The following TRPV1 variants were observed in gnomAD, a reference collection of about 807,000 sequenced individuals.
TRPV1 encodes OTRPC1.
In TRPV1, 82 loss-of-function variants were observed where a neutral mutation model predicts 82.3. That is an observed-to-expected ratio of 1.00 (90% CI 0.83 to 1.20). TRPV1 has a LOEUF of 1.20. Ranked by LOEUF, TRPV1 falls within the 50% of genes most tolerant of loss-of-function variation. The probability of loss-of-function intolerance (pLI) is 0.00; values close to 1 mark genes in which losing one functional copy is unlikely to be tolerated. For missense variants in TRPV1, 1,067 were observed against 1,096.8 expected, an observed-to-expected ratio of 0.97 and a Z score of 0.38; for synonymous variants, 515 against 467.7, an observed-to-expected ratio of 1.10 and a Z score of -1.30.
At chr17:3,571,668 A>G in intron 15 of TRPV1, 29 bp from the exon 16 acceptor site, 1 of 1,556,352 alleles carries the variant, frequency 6.4e-7, no homozygotes, top group Non-Finnish European at 8.8e-7. Flanking sequence ...GGAGAGCCTG[A>G]GAGCTGTGCC....
At position 3,592,282 on chromosome 17, in the gene TRPV1, G is replaced by A. The variant is rs1458441004; in HGVS notation, c.69C>T (p.Asp23=). ...TGGAGTTAGGGTCTCCATCCAGGGG[G>A]TCTGGGCAGGTGTCCTTTTGGAGTG... is the stretch of plus-strand genomic sequence containing the variant. The part of the protein sequence containing the change: ...ADPLQKDTCP[D]PLDGDPNSRP... The change falls in exon 3 of 17, where the codon GAC becomes GAT. Residue 23 remains aspartate, a synonymous_variant. Coordinates refer to ENST00000572705, the MANE Select transcript of TRPV1 (RefSeq NM_080704.4). 4.4e-6 allele frequency: 7 copies of A among 1,604,354 alleles called. No homozygotes were observed. The highest frequency in any genetic ancestry group is 4.3e-6 in the Non-Finnish European group (5 of 1,175,422).
rs200442799 is a variant in TRPV1, at chr17:3,592,149, C to G, written c.202G>C (p.Gly68Arg). 9 of 1,613,744 alleles carry G rather than the reference C, an allele frequency of 5.6e-6. No individual in the cohort carries two copies. Among genetic ancestry groups the G allele is most frequent in the Non-Finnish European group, 7.6e-6 (9 of 1,179,864 alleles). The change falls in exon 3 of 17, where the codon GGT (glycine) becomes CGT (arginine). Residue 68 changes from glycine to arginine, a missense_variant. Coordinates refer to ENST00000572705, the MANE Select transcript of TRPV1 (RefSeq NM_080704.4). ...AFPVDCPHEE[G>R]ELDSCPTITV... ...ATGGTCGGGCAGGAGTCCAGCTCAC[C>G]TTCCTCGTGAGGGCAATCCACCGGG...
chr17:3,567,018 G>A lies in TRPV1; in HGVS notation c.2348-31C>T, dbSNP rs187868729. On this transcript the variant is annotated intron_variant, in intron 16 of 16. Transcript: ENST00000572705. The stretch of plus-strand genomic sequence containing the variant: ...GGGTAACACTATTACTACCTTGGAT[G>A]CAACAAAACAAACATTCACTTCTTG... 1.6e-5 allele frequency: 26 copies of A among 1,606,920 alleles called. 1 individual carries two copies. In the Admixed American group the frequency reaches 3.5e-4, roughly 22 times the overall value.
intron 3 of TRPV1, among the ~76,000 whole-genome samples, chr17:3,591,682 G>A (rs1241348001): frequency 6.6e-6 from 1 of 152,174 alleles, no homozygotes; most frequent in Non-Finnish European, 1.5e-5. Flanking sequence ...AGGCAGGGGT[G>A]TAGACAGCCC....
At chr17:3,583,665 G>A (rs1257975470) in intron 9 of TRPV1, among the ~76,000 whole-genome samples, 3 of 152,218 alleles carry the variant, frequency 2.0e-5, no homozygotes, top group African/African-American at 2.4e-5. Context: ...ATGCTGTGCC[G>A]CCTCCCAAGC....
chr17:3,592,374 A>T lies in TRPV1; in HGVS notation c.-24T>A. On this transcript the variant is annotated 5_prime_UTR_variant, in exon 3 of 17. Transcript: ENST00000572705. ...ATCCTTGCTGGATCCTCTGTGGCCC[A>T]GTGTGCAACCTGCAGCAGCCACCAC... is the stretch of plus-strand genomic sequence containing the variant. 1 of 1,572,566 alleles carries T rather than the reference A, an allele frequency of 6.4e-7. No homozygotes were observed.
intron 16 of TRPV1, among the ~76,000 whole-genome samples, chr17:3,568,184 T>C (rs927780612): frequency 2.0e-5 from 3 of 151,384 alleles, no homozygotes; most frequent in African/African-American, 2.4e-5. Context: ...TAGCCGGGCG[T>C]AGTGGCGGGC....
chr17:3,573,538 A>ACCCCCCCCCCCCCCCCCC, intron 14 of TRPV1, 95 bp downstream of exon 14: 1 of 248,458 alleles, frequency 4.0e-6, no homozygotes, highest in Non-Finnish European at 7.9e-6. Flanking sequence ...CACCGCCCCC[A>ACCCCCCCCCCCCCCCCCC]CCACCCACCC....
chr17:3,588,826 A>C (rs520671), intron 7 of TRPV1: 196,512 of 1,269,794 alleles, frequency 0.15, 18,104 homozygotes, highest in East Asian at 0.35. Flanking sequence ...AAAAAAAAAA[A>C]AAAACAAAAC....
In TRPV1 at chr17:3,566,660, C is replaced by T; in HGVS notation, c.*155G>A. 1.1e-6 allele frequency: 1 copy of T among 879,810 alleles called. No individual in the cohort carries two copies. Among genetic ancestry groups the T allele is most frequent in the Non-Finnish European group, 1.7e-6 (1 of 596,620 alleles). 54.5% of individuals were successfully genotyped at this position (879,810 alleles called of 1,614,324 possible). ...ATCACTCCCCATGCTTCCAAGAACG[C>T]TTCCCACAGCTTGTCCAGCACAGAT... On this transcript the variant is annotated 3_prime_UTR_variant, in exon 17 of 17. Transcript: ENST00000572705.
intron 2 of TRPV1, among the ~76,000 whole-genome samples, chr17:3,599,277 AATATAT>A (rs1200484752): frequency 7.0e-6 from 1 of 142,220 alleles, no homozygotes; most frequent in Non-Finnish European, 1.5e-5. Context: ...GTTGTGGCAA[AATATAT>A]ATAACAAAAT....
At chr17:3,590,517 A>G in intron 5 of TRPV1, 125 bp from the exon 6 acceptor site, 1 of 1,419,888 alleles carries the variant, frequency 7.0e-7, no homozygotes. Flanking sequence ...AAGTGCCTGG[A>G]GGACCCCCCC....
chr17:3,607,983 G>A (rs2075308756), intron 2 of TRPV1, among the ~76,000 whole-genome samples: 1 of 152,082 alleles, frequency 6.6e-6, no homozygotes, highest in Non-Finnish European at 1.5e-5. Context: ...GGGAGGCCAA[G>A]GTAAGTGGAT....
At chr17:3,605,508 TAA>T (rs575291328) in intron 2 of TRPV1, among the ~76,000 whole-genome samples, 1 of 142,748 alleles carries the variant, frequency 7.0e-6, no homozygotes, top group Non-Finnish European at 1.5e-5. Context: ...AGACTCCATT[TAA>T]AAAAAAAAAA....
At chr17:3,609,254 A>G (rs968587475) in intron 1 of TRPV1, 55 bp downstream of exon 1, 2 of 152,186 alleles carry the variant, frequency 1.3e-5, no homozygotes, top group Admixed American at 1.3e-4. Flanking sequence ...TAGAGCTTCC[A>G]GATAATCACA....
chr17:3,599,865 T>C (rs1468776568), intron 2 of TRPV1, among the ~76,000 whole-genome samples: 1 of 152,176 alleles, frequency 6.6e-6, no homozygotes, highest in Non-Finnish European at 1.5e-5. Flanking sequence ...GTGATTCACC[T>C]GCCTCAGCCT....
At position 3,577,634 on chromosome 17, in the gene TRPV1, GA is replaced by G; in HGVS notation, c.1676del (p.Phe559SerfsTer10). The G allele has an allele frequency of 6.3e-7, 1 of 1,583,648 alleles. No individual in the cohort carries two copies. Among genetic ancestry groups the G allele is most frequent in the East Asian group, 2.3e-5 (1 of 43,178 alleles). On this transcript the variant is annotated frameshift_variant, in exon 12 of 17. Coordinates refer to ENST00000572705, the MANE Select transcript of TRPV1 (RefSeq NM_080704.4). LOFTEE classifies it high-confidence loss of function. The stretch of plus-strand genomic sequence containing the variant: ...TGACGGCATAGATGCCCATCTGCTG[GA>G]AACCGCGGGTGTAGTAGAGCATGTT... ...WTNMLYYTRG[F>X]QQMGIYAVMI...
Position 3,577,700 on chromosome 17 carries a change from A to G in TRPV1, c.1611T>C (p.Tyr537=), listed in dbSNP as rs945802348. The change falls in exon 12 of 17, where the codon TAT becomes TAC. Residue 537 remains tyrosine, a synonymous_variant. Transcript: ENST00000572705. ...CCAGGGAGAATACCATGGAAGCCACATACTCCTTGAGGTGGCTGAAGTACA... is the reference window on the plus strand; with the variant it reads ...CCAGGGAGAATACCATGGAAGCCACGTACTCCTTGAGGTGGCTGAAGTACA... ...VVLYFSHLKE[Y]VASMVFSLAL... is the part of the protein sequence containing the mutation. 1.9e-6 allele frequency: 3 copies of G among 1,589,754 alleles called. No individual in the cohort carries two copies. Among genetic ancestry groups the G allele is most frequent in the Admixed American group, 3.6e-5 (2 of 55,884 alleles).
chr17:3,567,471 T>C (rs1309785185), intron 16 of TRPV1, among the ~76,000 whole-genome samples: 2 of 150,316 alleles, frequency 1.3e-5, no homozygotes, highest in Non-Finnish European at 2.9e-5. Flanking sequence ...ATCGGTGCAA[T>C]GTCCTCCTCC....
Sources: gnomAD v4.1 joint callset for allele counts (sites outside exome capture counted in the v4.1 genomes callset) on GRCh38, gnomAD v4.1.1 for gene constraint, MANE v1.5 for transcripts, NCBI Gene and HGNC (gene_info 2026-07-23, HGNC 2026-07-21) for gene names.